RALA: variants seen among roughly 807,000 people sequenced by gnomAD.
The protein encoded by RALA is RAS like proto-oncogene A.
In RALA, 5 loss-of-function variants were observed where a neutral mutation model predicts 24.0. The ratio of observed to expected loss-of-function variants is 0.21; its 90% CI spans 0.11 to 0.44. The LOEUF (loss-of-function observed/expected upper bound fraction) is 0.44, where lower values mean the gene tolerates loss of function less well. Ranked by LOEUF, RALA falls within the 20% of genes least tolerant of loss-of-function variation. The pLI is 0.99. For missense variants in RALA, 95 were observed against 241.2 expected, an observed-to-expected ratio of 0.39 and a Z score of 4.01; for synonymous variants, 77 against 83.8, an observed-to-expected ratio of 0.92 and a Z score of 0.44.
rs563626217 is a variant in RALA at position 39,661,053 on chromosome 7, A to C, written c.-37-25578A>C. ...AGGCATGTCTTACATGGTGGCAGAC[A>C]AGAGAATGAGAGAGCCGAGCTAAAA... On this transcript the variant is annotated intron_variant, in intron 1 of 4. Transcript: ENST00000005257. Among the ~76,000 whole-genome samples, 3 of 152,324 alleles carry C rather than the reference A, an allele frequency of 2.0e-5. No individual in the cohort carries two copies. In the East Asian group the frequency reaches 5.8e-4, roughly 29 times the overall value.
chr7:39,697,270 G>A, intron 4 of RALA: 1 of 410,088 alleles, frequency 2.4e-6, no homozygotes, highest in Non-Finnish European at 4.8e-6. Context: ...CCAAGATGAA[G>A]AAGCCCCCAG....
chr7:39,679,222 C>T (rs1369918237), intron 1 of RALA, among the ~76,000 whole-genome samples: 3 of 151,998 alleles, frequency 2.0e-5, no homozygotes, highest in African/African-American at 4.8e-5. Flanking sequence ...TTCTCTACAC[C>T]ACGGATAGAC....
At chr7:39,704,693 T>C (rs2115561703) in intron 4 of RALA, among the ~76,000 whole-genome samples, 1 of 152,194 alleles carries the variant, frequency 6.6e-6, no homozygotes, top group South Asian at 2.1e-4. Flanking sequence ...TTTATTTTTT[T>C]GAGACTGAGT....
chr7:39,656,519 T>G (rs17416875), intron 1 of RALA, among the ~76,000 whole-genome samples: 9,437 of 152,304 alleles, frequency 0.062, 385 homozygotes, highest in Non-Finnish European at 0.087. Context: ...GCCAATTATC[T>G]GGCAACCAGA....
intron 1 of RALA, among the ~76,000 whole-genome samples, chr7:39,682,372 C>A (rs1045349866): frequency 2.0e-5 from 3 of 152,170 alleles, no homozygotes; most frequent in African/African-American, 7.2e-5. Flanking sequence ...ACTGGGATAG[C>A]CTCCTATACT....
chr7:39,672,820 A>C (rs1398389080), intron 1 of RALA, among the ~76,000 whole-genome samples: 1 of 152,174 alleles, frequency 6.6e-6, no homozygotes, highest in Non-Finnish European at 1.5e-5. Context: ...GATGGAGAAG[A>C]TTATCTGCAA....
At chr7:39,636,560 A>G (rs1000881696) in intron 1 of RALA, among the ~76,000 whole-genome samples, 3 of 152,126 alleles carry the variant, frequency 2.0e-5, no homozygotes, top group East Asian at 1.9e-4. Flanking sequence ...CGTTGTAAAA[A>G]CTATAAACAT....
At chr7:39,667,825 T>C (rs1264465351) in intron 1 of RALA, among the ~76,000 whole-genome samples, 1 of 152,216 alleles carries the variant, frequency 6.6e-6, no homozygotes, top group African/African-American at 2.4e-5. Context: ...TCTATTCTTT[T>C]GATATTTGGA....
At chr7:39,689,260 T>C (rs1367915579) in intron 2 of RALA, among the ~76,000 whole-genome samples, 1 of 152,196 alleles carries the variant, frequency 6.6e-6, no homozygotes, top group African/African-American at 2.4e-5. Flanking sequence ...CCCTAACTGC[T>C]GGCATTACAG....
At chr7:39,676,494 G>A (rs370106386) in intron 1 of RALA, among the ~76,000 whole-genome samples, 15 of 152,170 alleles carry the variant, frequency 9.9e-5, no homozygotes, top group African/African-American at 2.4e-4. Flanking sequence ...TATACTTACC[G>A]GTTCAGCATC....
Position 39,696,700 on chromosome 7 carries a change from A to C in RALA, c.339A>C (p.Arg113Ser). 6.2e-7 allele frequency: 1 copy of C among 1,601,712 alleles called. No homozygotes were observed. The highest frequency in any genetic ancestry group is 8.5e-7 in the Non-Finnish European group (1 of 1,172,800). ...ATADFREQIL[R>S]VKEDENVPFL... ...TCTTATCCAGGGAGCAGATTTTAAG[A>C]GTAAAAGAAGATGAGAATGTTCCAT... Residue 113 changes from arginine (R) to serine (S), a missense_variant, in exon 4 of 5, where the codon AGA (arginine) becomes AGC (serine). By Grantham distance (110) the Arg-to-Ser change is moderately radical. Coordinates refer to ENST00000005257, the MANE Select transcript of RALA (RefSeq NM_005402.4).
chr7:39,660,341 C>CA (rs35395402), intron 1 of RALA, among the ~76,000 whole-genome samples: 284 of 130,012 alleles, frequency 2.2e-3, no homozygotes, highest in East Asian at 8.0e-3. Flanking sequence ...GACTCCATCT[C>CA]AAAAAAAAAA....
Position 39,686,699 on chromosome 7 carries a change from C to A in RALA, c.32C>A (p.Ser11Tyr). The change falls in exon 2 of 5, where the codon TCT (serine) becomes TAT (tyrosine). Residue 11 changes from serine to tyrosine, a missense_variant. Ser to Tyr is a moderately radical substitution (Grantham distance 144, BLOSUM62 -2). Transcript: ENST00000005257. ...GCAAATAAGCCCAAGGGTCAGAATT[C>A]TTTGGCTTTACACAAAGTCATCATG... MAANKPKGQN[S>Y]LALHKVIMVG... The A allele has an allele frequency of 6.2e-7, 1 of 1,614,132 alleles. No homozygotes were observed. The highest frequency in any genetic ancestry group is 8.5e-7 in the Non-Finnish European group (1 of 1,180,014).
intron 1 of RALA, among the ~76,000 whole-genome samples, chr7:39,685,070 G>T (rs929007267): frequency 6.6e-6 from 1 of 152,040 alleles, no homozygotes; most frequent in Non-Finnish European, 1.5e-5. Context: ...GGCCAAAACC[G>T]CAATTACTTT....
At chr7:39,692,270 G>A (rs573257109) in intron 3 of RALA, among the ~76,000 whole-genome samples, 1 of 152,154 alleles carries the variant, frequency 6.6e-6, no homozygotes, top group Non-Finnish European at 1.5e-5. Context: ...TATATGCAAT[G>A]TCCTTGCTGC....
intron 1 of RALA, among the ~76,000 whole-genome samples, chr7:39,626,311 T>C (rs1010292995): frequency 6.6e-6 from 1 of 152,258 alleles, no homozygotes; most frequent in Non-Finnish European, 1.5e-5. Flanking sequence ...TCCCATACTT[T>C]ATTAAGGTAA....
At chr7:39,667,799 A>G (rs1459690243) in intron 1 of RALA, among the ~76,000 whole-genome samples, 1 of 152,226 alleles carries the variant, frequency 6.6e-6, no homozygotes, top group East Asian at 1.9e-4. Flanking sequence ...GAACATGTTA[A>G]CAACCCAGGG....
chr7:39,696,342 G>T (rs976902916), intron 3 of RALA, among the ~76,000 whole-genome samples: 2 of 152,140 alleles, frequency 1.3e-5, no homozygotes. Context: ...TGTACAAACT[G>T]CCAGCCAGCA....
chr7:39,636,976 G>A (rs1428457819), intron 1 of RALA, among the ~76,000 whole-genome samples: 2 of 152,064 alleles, frequency 1.3e-5, no homozygotes, highest in African/African-American at 4.8e-5. Flanking sequence ...CCTGATGTGG[G>A]GATTACAAAT....
Sources: gnomAD v4.1 joint callset for allele counts (sites outside exome capture counted in the v4.1 genomes callset) on GRCh38, gnomAD v4.1.1 for gene constraint, MANE v1.5 for transcripts, NCBI Gene and HGNC (gene_info 2026-07-23, HGNC 2026-07-21) for gene names.